The following MCM8 variants were observed in gnomAD, a reference collection of about 807,000 sequenced individuals.
MCM8 encodes the protein minichromosome maintenance 8 homologous recombination repair factor.
MCM8 carries 85 observed loss-of-function variants against 98.9 expected under a neutral mutation model. That is an observed-to-expected ratio of 0.86 (90% CI 0.72 to 1.03). The LOEUF (loss-of-function observed/expected upper bound fraction) is 1.03. MCM8 is among the 50% of genes least tolerant of loss of function. The pLI is 0.00. For missense variants in MCM8, 951 were observed against 997.8 expected, an observed-to-expected ratio of 0.95 and a Z score of 0.63; for synonymous variants, 352 against 338.6, an observed-to-expected ratio of 1.04 and a Z score of -0.44.
At chr20:5,967,620 C>T in intron 9 of MCM8, 33 bp downstream of exon 9, 1 of 1,574,732 alleles carries the variant, frequency 6.4e-7, no homozygotes. Context: ...ATTTGTCTCT[C>T]AATAATGATT....
Position 5,994,896 on chromosome 20 carries a change from A to G in MCM8, c.*505A>G. ...TCACTGCACTCCAGCCTGGGCAATA[A>G]AGTAACTCTTGACTCAAAAAAATAA... On this transcript the variant is annotated 3_prime_UTR_variant, in exon 19 of 19. Coordinates refer to ENST00000610722, the MANE Select transcript of MCM8 (RefSeq NM_032485.6). The G allele has an allele frequency of 5.5e-6, 1 of 182,212 alleles. No homozygotes were observed. The highest frequency in any genetic ancestry group is 5.9e-5 in the Admixed American group (1 of 17,082). 11.3% of individuals were successfully genotyped at this position (182,212 alleles called of 1,614,324 possible). A position where few individuals can be genotyped will look rare whatever the true frequency, so the allele number is the denominator to read the frequency against.
At chr20:5,955,291 T>G (rs1312706395) in intron 5 of MCM8, 40 bp downstream of exon 5, 1 of 1,588,706 alleles carries the variant, frequency 6.3e-7, no homozygotes, top group Non-Finnish European at 8.6e-7. Context: ...CTAAACTTTT[T>G]TAATGTTTGC....
At position 5,994,927 on chromosome 20, in the gene MCM8, A is replaced by T; in HGVS notation, c.*536A>T. 5.7e-6 allele frequency: 1 copy of T among 176,686 alleles called. No individual in the cohort carries two copies. The highest frequency in any genetic ancestry group is 1.2e-5 in the Non-Finnish European group (1 of 81,224). 10.9% of individuals were successfully genotyped at this position (176,686 alleles called of 1,614,324 possible). Reference sequence around the variant, plus strand: ...CTCTTGACTCAAAAAAATAAAAAAAATTGTAGTGGTAGCCATGTGTTAATT... The same window carrying T: ...CTCTTGACTCAAAAAAATAAAAAAATTTGTAGTGGTAGCCATGTGTTAATT... On this transcript the variant is annotated 3_prime_UTR_variant, in exon 19 of 19. Coordinates refer to ENST00000610722, the MANE Select transcript of MCM8 (RefSeq NM_032485.6).
At chr20:5,963,466 T>A (rs2089200828) in intron 8 of MCM8, 107 bp downstream of exon 8, 1 of 625,530 alleles carries the variant, frequency 1.6e-6, no homozygotes, top group Non-Finnish European at 2.8e-6. Flanking sequence ...AATGACAAAG[T>A]GTATAATAGT....
chr20:5,954,041 T>C (rs1401295802), intron 3 of MCM8, among the ~76,000 whole-genome samples: 1 of 152,204 alleles, frequency 6.6e-6, no homozygotes, highest in Admixed American at 6.5e-5. Context: ...GTCCTAAAGA[T>C]GGAGTTCAAG....
At chr20:5,968,073 G>A in intron 10 of MCM8, 48 bp downstream of exon 10, 2 of 1,521,450 alleles carry the variant, frequency 1.3e-6, no homozygotes, top group East Asian at 2.3e-5. Flanking sequence ...GCATGTTGGG[G>A]GTTCTCTTGG....
At position 5,950,901 on chromosome 20, in the gene MCM8, T is replaced by G. The variant is rs1467816353; in HGVS notation, c.-128T>G. On this transcript the variant is annotated 5_prime_UTR_variant, in exon 1 of 19. Coordinates refer to ENST00000610722, the MANE Select transcript of MCM8 (RefSeq NM_032485.6). ...TGAGGAGCTAAGATCCCGGAGACTC[T>G]TAGCCCCGTGGTGCTTCTCTACGGG... 1 of 152,244 alleles carries G rather than the reference T, an allele frequency of 6.6e-6. No individual in the cohort carries two copies. The highest frequency in any genetic ancestry group is 6.5e-5 in the Admixed American group (1 of 15,270). 9.4% of individuals were successfully genotyped at this position (152,244 alleles called of 1,614,324 possible). A position where few individuals can be genotyped will look rare whatever the true frequency, so the allele number is the denominator to read the frequency against.
Position 5,963,278 on chromosome 20 carries a change from C to CGAATTTTCTATTTATATCTAA in MCM8, c.794_795insGAATTTTCTATTTATATCTAA (p.Pro265_Val266insAsnPheLeuPheIleSerAsn). On this transcript the variant is annotated inframe_insertion, in exon 8 of 19. Transcript: ENST00000610722. Reference sequence around the variant, plus strand: ...AATTACTTTTGTTTCATTCAGTGTCCTGTGCCTGTGTGTCGAGGCAGGTCA... The same window carrying CGAATTTTCTATTTATATCTAA: ...AATTACTTTTGTTTCATTCAGTGTCCGAATTTTCTATTTATATCTAATGTGCCTGTGTGTCGAGGCAGGTCA... 1 of 1,612,530 alleles carries CGAATTTTCTATTTATATCTAA rather than the reference C, an allele frequency of 6.2e-7. No individual in the cohort carries two copies. Among genetic ancestry groups the CGAATTTTCTATTTATATCTAA allele is most frequent in the Non-Finnish European group, 8.5e-7 (1 of 1,178,632 alleles).
At chr20:5,963,758 G>A (rs1445394543) in intron 8 of MCM8, among the ~76,000 whole-genome samples, 1 of 152,066 alleles carries the variant, frequency 6.6e-6, no homozygotes, top group Non-Finnish European at 1.5e-5. Context: ...GGATGGTCTT[G>A]ATTTCCTGAC....
intron 6 of MCM8, among the ~76,000 whole-genome samples, chr20:5,957,891 T>C (rs2089028451): frequency 6.6e-6 from 1 of 152,238 alleles, no homozygotes; most frequent in Non-Finnish European, 1.5e-5. Context: ...ATTTTGTTTT[T>C]CTTTTCCAGA....
intron 17 of MCM8, 129 bp downstream of exon 17, chr20:5,987,487 G>A (rs1359864316): frequency 6.4e-6 from 4 of 625,070 alleles, no homozygotes; most frequent in African/African-American, 1.9e-5. Flanking sequence ...ACAGAGTACC[G>A]TTTCTTAGTT....
intron 1 of MCM8, 126 bp from the exon 2 acceptor site, chr20:5,951,885 T>A (rs2088835695): frequency 1.8e-6 from 2 of 1,085,206 alleles, no homozygotes; most frequent in South Asian, 3.6e-5. Context: ...GCTGTACAAC[T>A]TTGCAAGCCT....
rs745523065 is a variant in MCM8, at chr20:5,977,944, G to A, written c.1464G>A (p.Thr488=). The change falls in exon 13 of 19, where the codon ACG becomes ACA. Residue 488 remains threonine (T), a synonymous_variant. Transcript: ENST00000610722. The part of the protein sequence containing the change: ...CGNTTTTSGL[T]VTLSKDSSSG... ...ACACCACGACCACCTCTGGTCTGAC[G>A]GTAACTCTTTCAAAAGATAGTTCCT... 8.1e-6 allele frequency: 13 copies of A among 1,614,074 alleles called. No homozygotes were observed. The Admixed American group carries it at 1.2e-4, about 14-fold the overall frequency.
Position 5,994,683 on chromosome 20 carries a change from G to T in MCM8, c.*292G>T. On this transcript the variant is annotated 3_prime_UTR_variant, in exon 19 of 19. Coordinates refer to ENST00000610722, the MANE Select transcript of MCM8 (RefSeq NM_032485.6). ...GGAGGCTGAGGTGAGAGGATTCCTTGAGGCCAGGGTTCGAGACCAACCTTG... is the reference window on the plus strand; with the variant it reads ...GGAGGCTGAGGTGAGAGGATTCCTTTAGGCCAGGGTTCGAGACCAACCTTG... 1 of 471,444 alleles carries T rather than the reference G, an allele frequency of 2.1e-6. No homozygotes were observed. The highest frequency in any genetic ancestry group is 4.1e-6 in the Non-Finnish European group (1 of 245,266). The allele number at this position is 471,444 out of a possible 1,614,324, so 29.2% of individuals were successfully genotyped here. A position where few individuals can be genotyped will look rare whatever the true frequency, so the allele number is the denominator to read the frequency against.
At chr20:5,985,060 G>A (rs1600300695) in intron 15 of MCM8, 60 bp downstream of exon 15, 2 of 1,391,910 alleles carry the variant, frequency 1.4e-6, no homozygotes, top group East Asian at 2.3e-5. Flanking sequence ...AGTTCAGTGT[G>A]TGGCTTATTG....
chr20:5,958,681 T>C lies in MCM8; in HGVS notation c.744T>C (p.Ile248=), dbSNP rs1455613343. The change falls in exon 7 of 19, where the codon ATT becomes ATC. Residue 248 remains isoleucine (I), a synonymous_variant. Coordinates refer to ENST00000610722, the MANE Select transcript of MCM8 (RefSeq NM_032485.6). The part of the protein sequence containing the change: ...MAFLCAACGE[I]QSFPLPDGKY... ...TTCTTTGTGCTGCATGTGGAGAAAT[T>C]CAGAGCTTTCCTCTTCCAGATGGAA... 6.2e-7 allele frequency: 1 copy of C among 1,614,180 alleles called. No homozygotes were observed. Among genetic ancestry groups the C allele is most frequent in the South Asian group, 1.1e-5 (1 of 91,088 alleles).
intron 10 of MCM8, 104 bp from the exon 11 acceptor site, chr20:5,971,903 T>C: frequency 1.1e-6 from 1 of 904,968 alleles, no homozygotes; most frequent in East Asian, 2.6e-5. Flanking sequence ...TTTTTTACAT[T>C]TGTCTTTGTT....
intron 17 of MCM8, among the ~76,000 whole-genome samples, chr20:5,993,026 C>T (rs1689907840): frequency 6.6e-6 from 1 of 152,140 alleles, no homozygotes; most frequent in South Asian, 2.1e-4. Flanking sequence ...GTAATAGGTG[C>T]ATCCTTTAAT....
In MCM8 at chr20:5,994,440, C is replaced by A; in HGVS notation, c.*49C>A. The A allele has an allele frequency of 8.4e-7, 1 of 1,187,758 alleles. No homozygotes were observed. Among genetic ancestry groups the A allele is most frequent in the Non-Finnish European group, 1.2e-6 (1 of 822,218 alleles). 73.6% of individuals were successfully genotyped at this position (1,187,758 alleles called of 1,614,324 possible). A position where few individuals can be genotyped will look rare whatever the true frequency, so the allele number is the denominator to read the frequency against. On this transcript the variant is annotated 3_prime_UTR_variant, in exon 19 of 19. Coordinates refer to ENST00000610722, the MANE Select transcript of MCM8 (RefSeq NM_032485.6). ...TCCTGGGTTTATTGCAGATTAAAGCCATCTCAGTGAAGATATGCGTGCACG... is the reference window on the plus strand; with the variant it reads ...TCCTGGGTTTATTGCAGATTAAAGCAATCTCAGTGAAGATATGCGTGCACG...
Sources: allele counts gnomAD v4.1 joint callset (sites outside exome capture counted in the v4.1 genomes callset), GRCh38; gene constraint gnomAD v4.1.1; transcripts MANE v1.5; gene names NCBI Gene and HGNC (gene_info 2026-07-23, HGNC 2026-07-21).